The following C21orf58 variants were observed in gnomAD, a reference collection of about 807,000 sequenced individuals.
C21orf58 encodes the protein chromosome 21 open reading frame 58, also known as uncharacterized protein C21orf58.
A neutral mutation model predicts 35.8 loss-of-function variants in C21orf58; 34 were observed. The ratio of observed to expected loss-of-function variants is 0.95; its 90% CI spans 0.72 to 1.26. C21orf58 has a LOEUF of 1.26. Ranked by LOEUF, C21orf58 falls within the 50% of genes most tolerant of loss-of-function variation. The probability of loss-of-function intolerance (pLI) is 0.00; values close to 1 mark genes in which losing one functional copy is unlikely to be tolerated. For missense variants in C21orf58, 440 were observed against 414.3 expected (o/e 1.06, Z -0.54); for synonymous variants, 191 against 175.8 (o/e 1.09, Z -0.68).
At chr21:46,303,708 AATAT>A (rs1356861977) in intron 6 of C21orf58, among the ~76,000 whole-genome samples, 31 of 37,266 alleles carry the variant, frequency 8.3e-4, no homozygotes, top group African/African-American at 1.5e-3. Context: ...ACACACACAA[AATAT>A]ATATATATAT....
At chr21:46,314,425 G>A (rs1015681358) in intron 5 of C21orf58, among the ~76,000 whole-genome samples, 4 of 152,126 alleles carry the variant, frequency 2.6e-5, no homozygotes, top group Non-Finnish European at 5.9e-5. Flanking sequence ...ATTCAGGGCC[G>A]CCCGCTGAGC....
chr21:46,315,912 C>T (rs748177182), intron 3 of C21orf58, among the ~76,000 whole-genome samples: 1 of 152,106 alleles, frequency 6.6e-6, no homozygotes, highest in Non-Finnish European at 1.5e-5. Context: ...TGCAGCCTGA[C>T]CTTGGCCACC....
intron 6 of C21orf58, 69 bp from the exon 7 acceptor site, chr21:46,302,645 A>T: frequency 8.1e-7 from 1 of 1,234,830 alleles, no homozygotes; most frequent in South Asian, 1.3e-5. Flanking sequence ...GTGATAGAGC[A>T]TTATAGGACC....
chr21:46,317,478 A>G, intron 2 of C21orf58: 1 of 761,044 alleles, frequency 1.3e-6, no homozygotes, highest in Non-Finnish European at 2.1e-6. Flanking sequence ...CATGTGTTCC[A>G]TCCACAAGTC....
rs2083220579 is a variant in C21orf58, at chr21:46,322,795, G to A, written c.-57C>T. On this transcript the variant is annotated 5_prime_UTR_variant, in exon 1 of 8. Coordinates refer to ENST00000291691, the MANE Select transcript of C21orf58 (RefSeq NM_058180.5). ...GTCTCAAAAAAAGAAAAAAAATTCT[G>A]AGCGAGATTCCAGGGCTTCCTGAGG... The A allele has an allele frequency of 9.8e-6, 12 of 1,228,070 alleles. No homozygotes were observed. Among genetic ancestry groups the A allele is most frequent in the African/African-American group, 1.6e-5 (1 of 63,754 alleles). 76.1% of individuals were successfully genotyped at this position (1,228,070 alleles called of 1,614,324 possible). A position where few individuals can be genotyped will look rare whatever the true frequency, so the allele number is the denominator to read the frequency against.
At chr21:46,303,733 ATATATATATATATTTTT>A (rs2082259427) in intron 6 of C21orf58, among the ~76,000 whole-genome samples, 3 of 32,230 alleles carry the variant, frequency 9.3e-5, no homozygotes, top group African/African-American at 1.4e-4. Context: ...ATATATATAT[ATATATATATATATTTTT>A]TTTTTTTTTT....
chr21:46,316,299 T>C (rs1342915068), intron 3 of C21orf58, among the ~76,000 whole-genome samples: 3 of 151,888 alleles, frequency 2.0e-5, no homozygotes, highest in East Asian at 3.9e-4. Context: ...CTACTAAAAA[T>C]ACAAAAGTTG....
intron 2 of C21orf58, among the ~76,000 whole-genome samples, chr21:46,317,739 A>G (rs922011263): frequency 6.6e-6 from 1 of 152,220 alleles, no homozygotes; most frequent in African/African-American, 2.4e-5. Context: ...GAGAGGGAAC[A>G]ATGCAGGCAG....
intron 1 of C21orf58, chr21:46,320,717 G>C (rs1045970265): frequency 6.6e-6 from 1 of 152,222 alleles, no homozygotes; most frequent in African/African-American, 2.4e-5. Flanking sequence ...GCTGTCACTT[G>C]TGAGAAGCCC....
intron 2 of C21orf58, among the ~76,000 whole-genome samples, chr21:46,317,573 C>T (rs2083019092): frequency 1.3e-5 from 2 of 152,228 alleles, no homozygotes; most frequent in Admixed American, 1.3e-4. Context: ...GGCCTCCAGG[C>T]TTCCCAGCCA....
At chr21:46,319,661 G>A (rs1048973994) in intron 1 of C21orf58, among the ~76,000 whole-genome samples, 3 of 152,166 alleles carry the variant, frequency 2.0e-5, no homozygotes, top group Non-Finnish European at 4.4e-5. Flanking sequence ...CACTTAGGGA[G>A]GCTGAGGCAG....
chr21:46,318,460 A>G (rs2083056072), intron 1 of C21orf58: 1 of 1,405,326 alleles, frequency 7.1e-7, no homozygotes, highest in Admixed American at 2.9e-5. Flanking sequence ...AGAGGGGCAG[A>G]ACCCTCAGAC....
In C21orf58 at chr21:46,311,544, G is replaced by A; in HGVS notation, c.633C>T (p.Ile211=). The part of the protein sequence containing the change: ...LPTVPQPPAT[I]IQQLPQQPLI... ...GTGGCTGCTGAGGGAGCTGCTGAAT[G>A]ATGGTGGCAGGAGGCTGGGGGACCT... The change falls in exon 6 of 8, where the codon ATC becomes ATT. Residue 211 remains isoleucine (I), a synonymous_variant. Coordinates refer to ENST00000291691, the MANE Select transcript of C21orf58 (RefSeq NM_058180.5). 1.2e-6 allele frequency: 2 copies of A among 1,611,278 alleles called. No individual in the cohort carries two copies. The highest frequency in any genetic ancestry group is 1.7e-6 in the Non-Finnish European group (2 of 1,178,764).
intron 1 of C21orf58, among the ~76,000 whole-genome samples, chr21:46,321,399 C>A (rs894087693): frequency 6.6e-6 from 1 of 152,146 alleles, no homozygotes; most frequent in African/African-American, 2.4e-5. Context: ...TATTGAGACA[C>A]AAGTAACTGA....
intron 5 of C21orf58, among the ~76,000 whole-genome samples, chr21:46,313,936 C>T (rs2082855909): frequency 6.6e-6 from 1 of 152,182 alleles, no homozygotes; most frequent in Admixed American, 6.5e-5. Flanking sequence ...CTCCGGGCCC[C>T]CAGCTTCCAT....
At chr21:46,321,152 G>A (rs530528275) in intron 1 of C21orf58, among the ~76,000 whole-genome samples, 19 of 152,072 alleles carry the variant, frequency 1.2e-4, no homozygotes, top group African/African-American at 4.3e-4. Context: ...TTACCTTAGT[G>A]TGCTACATAT....
chr21:46,302,066 A>G lies in C21orf58; in HGVS notation c.902T>C (p.Val301Ala), dbSNP rs755714827. 2.0e-6 allele frequency: 3 copies of G among 1,500,044 alleles called. 1 individual carries two copies. The South Asian group carries it at 3.8e-5, about 19-fold the overall frequency. The allele number at this position is 1,500,044 out of a possible 1,614,324, so 92.9% of individuals were successfully genotyped here. Residue 301 changes from valine (V) to alanine (A), a missense_variant, in exon 8 of 8, where the codon GTG becomes GCG. Physicochemically the swap from Val to Ala is moderately conservative, Grantham distance 64 (BLOSUM62 0). Coordinates refer to ENST00000291691, the MANE Select transcript of C21orf58 (RefSeq NM_058180.5). ...VHHHHHHHHA[V>A]WPPGAATVLQ... ...GACAGTGGCAGCCCCAGGTGGCCAC[A>G]CAGCATGGTGGTGGTGGTGGTGGTG... is the stretch of plus-strand genomic sequence containing the variant.
rs13049522 is a variant in C21orf58 at position 46,311,581 on chromosome 21, G to A, written c.610-14C>T. Reference sequence around the variant, plus strand: ...AGGCTGGGGGACCTAGGAACAGCCAGGTGATTAGCTATCTGCATATGTCCT... The same window carrying A: ...AGGCTGGGGGACCTAGGAACAGCCAAGTGATTAGCTATCTGCATATGTCCT... On this transcript the variant is annotated splice_polypyrimidine_tract_variant and intron_variant, in intron 5 of 7. Transcript: ENST00000291691. 257,758 of 1,529,938 alleles carry A rather than the reference G, an allele frequency of 0.17. 27,709 individuals are homozygous for A. Among genetic ancestry groups the A allele is most frequent in the East Asian group, 0.61 (27,186 of 44,300 alleles). 94.8% of individuals were successfully genotyped at this position (1,529,938 alleles called of 1,614,324 possible).
At chr21:46,300,431 C>CAA, downstream of C21orf58, 4 of 199,958 alleles carry the variant, frequency 2.0e-5, no homozygotes, top group South Asian at 8.6e-5. Context: ...AACTCTGTCT[C>CAA]AAAAAAAAAC....
Sources: gnomAD v4.1 joint callset for allele counts (sites outside exome capture counted in the v4.1 genomes callset) on GRCh38, gnomAD v4.1.1 for gene constraint, MANE v1.5 for transcripts, NCBI Gene and HGNC (gene_info 2026-07-23, HGNC 2026-07-21) for gene names.